The following SCHIP1 variants were observed in gnomAD, a reference collection of about 807,000 sequenced individuals.
The protein encoded by SCHIP1 is schwannomin interacting protein 1.
SCHIP1 carries 8 observed loss-of-function variants against 29.7 expected under a neutral mutation model. The observed-to-expected ratio is 0.27, with a 90% CI of 0.16 to 0.49. The LOEUF is 0.49. Ranked by LOEUF, SCHIP1 falls within the 20% of genes least tolerant of loss-of-function variation. The pLI, the probability that SCHIP1 is intolerant of heterozygous loss-of-function variation, is 0.99. For synonymous variants in SCHIP1, 76 were observed against 94.9 expected, an observed-to-expected ratio of 0.80 and a Z score of 1.16; for missense variants, 193 against 294.6, an observed-to-expected ratio of 0.66 and a Z score of 2.52.
the SCHIP1 span, among the ~76,000 whole-genome samples, chr3:159,363,348 C>G: frequency 1.2e-4 from 19 of 152,218 alleles, no homozygotes; most frequent in East Asian, 3.7e-3. Context: ...AAAATTTCCT[C>G]TTTTGTAAAG....
chr3:159,734,362 G>A, the SCHIP1 span, among the ~76,000 whole-genome samples: 2 of 151,816 alleles, frequency 1.3e-5, no homozygotes, highest in Non-Finnish European at 2.9e-5. Flanking sequence ...GGCTGGTCTC[G>A]AACTCCTGTC....
the SCHIP1 span, among the ~76,000 whole-genome samples, chr3:159,592,976 C>G: frequency 6.6e-6 from 1 of 152,160 alleles, no homozygotes; most frequent in African/African-American, 2.4e-5. Flanking sequence ...GCAGAAAGCT[C>G]TGCCCTGGAG....
At chr3:159,843,052 C>T (rs1304763650) in intron 1 of SCHIP1, among the ~76,000 whole-genome samples, 1 of 96,126 alleles carries the variant, frequency 1.0e-5, no homozygotes, top group Non-Finnish European at 2.1e-5. Flanking sequence ...CACTCTGTTG[C>T]CCAGGCTGGA....
the SCHIP1 span, among the ~76,000 whole-genome samples, chr3:159,567,618 T>C: frequency 2.6e-5 from 4 of 152,214 alleles, no homozygotes; most frequent in Admixed American, 2.6e-4. Flanking sequence ...TTAACCTCTC[T>C]TGTTGGTCAA....
At chr3:159,827,398 G>A in the SCHIP1 span, among the ~76,000 whole-genome samples, 33 of 152,276 alleles carry the variant, frequency 2.2e-4, no homozygotes, top group African/African-American at 7.9e-4. Context: ...TAGAGATGAT[G>A]TTAACAGTTT....
At chr3:159,575,232 T>A in the SCHIP1 span, among the ~76,000 whole-genome samples, 2 of 152,242 alleles carry the variant, frequency 1.3e-5, no homozygotes, top group Non-Finnish European at 2.9e-5. Flanking sequence ...TTCAGCCATC[T>A]TGCGACTGTC....
At chr3:159,387,683 T>C in the SCHIP1 span, among the ~76,000 whole-genome samples, 2 of 152,212 alleles carry the variant, frequency 1.3e-5, no homozygotes, top group African/African-American at 2.4e-5. Context: ...AACTCTGCCA[T>C]TGCAGTGCAT....
chr3:159,317,295 G>A, the SCHIP1 span, among the ~76,000 whole-genome samples: 4 of 152,172 alleles, frequency 2.6e-5, no homozygotes, highest in African/African-American at 9.6e-5. Flanking sequence ...GTGTCCAGGT[G>A]GCAATCTTAA....
chr3:159,572,827 G>A, the SCHIP1 span, among the ~76,000 whole-genome samples: 1 of 152,076 alleles, frequency 6.6e-6, no homozygotes, highest in Non-Finnish European at 1.5e-5. Context: ...ATTTAGGTTA[G>A]CTCTTCTTGT....
intron 1 of SCHIP1, among the ~76,000 whole-genome samples, chr3:159,852,318 G>A (rs181980970): frequency 6.6e-6 from 1 of 152,158 alleles, no homozygotes; most frequent in Admixed American, 6.5e-5. Context: ...CTAAATGAAG[G>A]CTTGCCCTTT....
chr3:159,731,411 G>A, the SCHIP1 span, among the ~76,000 whole-genome samples: 1 of 152,362 alleles, frequency 6.6e-6, no homozygotes, highest in South Asian at 2.1e-4. Flanking sequence ...TCAAGCTTCA[G>A]CTGTGGGCTT....
the SCHIP1 span, among the ~76,000 whole-genome samples, chr3:159,543,089 G>A: frequency 3.9e-4 from 55 of 141,180 alleles, 1 homozygote; most frequent in African/African-American, 1.3e-3. Flanking sequence ...ACATGTTTGT[G>A]TATAAATACA....
the SCHIP1 span, among the ~76,000 whole-genome samples, chr3:159,684,783 G>A: frequency 3.3e-5 from 5 of 149,282 alleles, no homozygotes; most frequent in African/African-American, 1.2e-4. Context: ...TGGCCTGAGT[G>A]GCAGAGTGAG....
the SCHIP1 span, among the ~76,000 whole-genome samples, chr3:159,805,842 T>C: frequency 6.8e-6 from 1 of 148,122 alleles, no homozygotes; most frequent in Non-Finnish European, 1.5e-5. Context: ...GGAGTCTCGC[T>C]CTGTCACCCA....
the SCHIP1 span, among the ~76,000 whole-genome samples, chr3:159,282,059 G>T: frequency 6.6e-6 from 1 of 151,988 alleles, no homozygotes; most frequent in African/African-American, 2.4e-5. Flanking sequence ...TGAGTAATAT[G>T]AAATCACATA....
the SCHIP1 span, among the ~76,000 whole-genome samples, chr3:159,737,375 G>A: frequency 1.3e-5 from 2 of 151,898 alleles, no homozygotes; most frequent in African/African-American, 4.8e-5. Flanking sequence ...GACTGGGGCC[G>A]GAACACTTGG....
At chr3:159,544,696 TTTTC>T in the SCHIP1 span, among the ~76,000 whole-genome samples, 14 of 152,098 alleles carry the variant, frequency 9.2e-5, no homozygotes. Context: ...CTTAATTGCA[TTTTC>T]TTTTTCTTAT....
chr3:159,825,506 ACTTGACCAG>A, the SCHIP1 span, among the ~76,000 whole-genome samples: 1 of 152,222 alleles, frequency 6.6e-6, no homozygotes, highest in East Asian at 1.9e-4. Flanking sequence ...GCAAGTGGCC[ACTTGACCAG>A]CTTTCCCACA....
the SCHIP1 span, among the ~76,000 whole-genome samples, chr3:159,315,394 T>TAA: frequency 9.4e-5 from 2 of 21,230 alleles, no homozygotes; most frequent in African/African-American, 3.9e-4. Context: ...ATTTTCTTTC[T>TAA]TTTTTTTTTT....
Sources: allele counts gnomAD v4.1 joint callset (sites outside exome capture counted in the v4.1 genomes callset), GRCh38; gene constraint gnomAD v4.1.1; transcripts MANE v1.5; gene names NCBI Gene and HGNC (gene_info 2026-07-23, HGNC 2026-07-21).